The following POLR2F variants were observed in gnomAD, a reference collection of about 807,000 sequenced individuals.
POLR2F encodes the protein RNA polymerase II, I and III subunit F.
POLR2F carries 12 observed loss-of-function variants against 22.7 expected under a neutral mutation model. The ratio of observed to expected loss-of-function variants is 0.53; its 90% CI spans 0.34 to 0.86. POLR2F has a LOEUF of 0.86. Ranked by LOEUF, POLR2F falls within the 40% of genes least tolerant of loss-of-function variation. The pLI is 0.02. For synonymous variants in POLR2F, 57 were observed against 66.0 expected (o/e 0.86, Z 0.66); for missense variants, 126 against 171.5 (o/e 0.73, Z 1.48).
chr22:37,959,569 G>A, intron 3 of POLR2F, 93 bp downstream of exon 3: 1 of 1,408,950 alleles, frequency 7.1e-7, no homozygotes, highest in East Asian at 2.3e-5. Flanking sequence ...CCTGAAAACA[G>A]ACTCTCTGCT....
intron 3 of POLR2F, among the ~76,000 whole-genome samples, chr22:37,961,273 G>A (rs1446317627): frequency 6.6e-6 from 1 of 151,912 alleles, no homozygotes; most frequent in African/African-American, 2.4e-5. Context: ...GCCCAGGCTG[G>A]TCTTGAACTC....
At chr22:38,041,371 C>G, downstream of POLR2F, 1 of 464,916 alleles carries the variant, frequency 2.2e-6, no homozygotes, top group Non-Finnish European at 3.8e-6. Flanking sequence ...TGGGGAGGGA[C>G]TGTTGGGATG....
intron 5 of POLR2F, among the ~76,000 whole-genome samples, chr22:38,039,640 C>T (rs1277717324): frequency 6.6e-6 from 1 of 152,226 alleles, no homozygotes; most frequent in Admixed American, 6.5e-5. Context: ...ACCCCTTCCA[C>T]CCCTGCACCA....
Position 38,019,315 on chromosome 22 carries a change from G to A in POLR2F, c.121-6554G>A, listed in dbSNP as rs533028661. Among the ~76,000 whole-genome samples, 17 of 152,154 alleles carry A rather than the reference G, an allele frequency of 1.1e-4. No homozygotes were observed. The South Asian group carries it at 3.3e-3, about 30-fold the overall frequency. On this transcript the variant is annotated intron_variant, in intron 1 of 2. Coordinates refer to the POLR2F transcript ENST00000333418. ...GGGCTTGACATTCCCCAAGGGTCCCGGCCATCCCCACATGACTGGCATCTG... is the reference window on the plus strand; with the variant it reads ...GGGCTTGACATTCCCCAAGGGTCCCAGCCATCCCCACATGACTGGCATCTG...
At position 37,967,995 on chromosome 22, in the gene POLR2F, C is replaced by T. The variant is rs1338244833; in HGVS notation, c.*280C>T. ...CTGTTCCCCAGAGCAAAGGCTGCTG[C>T]AGGGGAGACACCTCAGCTGCCTTCC... On this transcript the variant is annotated 3_prime_UTR_variant, in exon 5 of 5. Coordinates refer to ENST00000442738, the MANE Select transcript of POLR2F (RefSeq NM_021974.5). 1 of 1,088,496 alleles carries T rather than the reference C, an allele frequency of 9.2e-7. No individual in the cohort carries two copies. Among genetic ancestry groups the T allele is most frequent in the Non-Finnish European group, 1.1e-6 (1 of 894,426 alleles). 67.4% of individuals were successfully genotyped at this position (1,088,496 alleles called of 1,614,324 possible). A position where few individuals can be genotyped will look rare whatever the true frequency, so the allele number is the denominator to read the frequency against.
intron 1 of POLR2F, among the ~76,000 whole-genome samples, chr22:38,019,081 G>T (rs907905404): frequency 2.0e-5 from 3 of 152,098 alleles, no homozygotes; most frequent in Non-Finnish European, 4.4e-5. Flanking sequence ...AGAAGGAGGT[G>T]TGGGGGCACC....
upstream of POLR2F, chr22:37,986,119 A>G: frequency 6.7e-7 from 1 of 1,487,662 alleles, no homozygotes; most frequent in Non-Finnish European, 8.9e-7. This position sits in a 1 kb window ranked among gnomAD's most constrained non-coding sequence, Gnocchi z 4.7. Context: ...CAATCATGTG[A>G]TTAACACACA....
intron 3 of POLR2F, 79 bp downstream of exon 3, chr22:37,959,555 G>A (rs752596387): frequency 2.0e-6 from 3 of 1,502,850 alleles, no homozygotes; most frequent in Non-Finnish European, 2.7e-6. Flanking sequence ...TTCCCAGCCT[G>A]GCACCTGAAA....
rs576939614 is a variant in POLR2F at position 37,996,215 on chromosome 22, T to A, written c.120+9903T>A. On this transcript the variant is annotated intron_variant, in intron 1 of 2. Transcript: ENST00000333418. ...GGGGATCTGAGCCAGCTCCACCCCT[T>A]CCCCCAGCAGGCAGGAAGGACAGGG... Among the ~76,000 whole-genome samples the A allele has an allele frequency of 2.2e-4, 34 of 152,132 alleles. No homozygotes were observed. The South Asian group carries it at 7.1e-3, about 32-fold the overall frequency.
intron 5 of POLR2F, among the ~76,000 whole-genome samples, chr22:38,036,598 G>A (rs779838359): frequency 1.2e-4 from 18 of 151,150 alleles, no homozygotes; most frequent in Non-Finnish European, 2.5e-4. Context: ...GGGCAACCGG[G>A]GAGGAGTGGC....
intron 2 of POLR2F, among the ~76,000 whole-genome samples, chr22:37,957,278 A>C (rs1391748111): frequency 2.0e-5 from 3 of 152,210 alleles, no homozygotes; most frequent in Non-Finnish European, 4.4e-5. Flanking sequence ...TCCAGGTTAC[A>C]TTTTAGAAAG....
At chr22:37,996,998 G>A (rs1214881813) in intron 1 of POLR2F, among the ~76,000 whole-genome samples, 2 of 152,116 alleles carry the variant, frequency 1.3e-5, no homozygotes, top group South Asian at 2.1e-4. Flanking sequence ...TGTCCTACTC[G>A]GGAAGGCAAG....
chr22:38,017,530 G>A lies in POLR2F; in HGVS notation c.121-8339G>A, dbSNP rs892439510. On this transcript the variant is annotated intron_variant, in intron 1 of 2. Transcript: ENST00000333418. The surrounding 1 kb of genome is among the most constrained non-coding windows in gnomAD (Gnocchi z 4.1). ...TGTCTCCCTCTTCAGGTAATGGGCT[G>A]TAGGGTCCTTCCAGATCTGGCAGTC... 2.0e-5 allele frequency among the ~76,000 whole-genome samples: 3 copies of A among 152,214 alleles called. No individual in the cohort carries two copies. The highest frequency in any genetic ancestry group is 4.8e-5 in the African/African-American group (2 of 41,446).
intron 1 of POLR2F, among the ~76,000 whole-genome samples, chr22:37,996,315 G>A (rs1374356043): frequency 1.3e-5 from 2 of 152,150 alleles, no homozygotes; most frequent in Non-Finnish European, 2.9e-5. Flanking sequence ...AAAGAGGGGG[G>A]AACAGGAAGC....
chr22:37,991,039 T>C (rs2145788525), intron 1 of POLR2F, among the ~76,000 whole-genome samples: 1 of 152,308 alleles, frequency 6.6e-6, no homozygotes, highest in East Asian at 1.9e-4. Flanking sequence ...CCCAGTACTT[T>C]GGGAGGCCAA....
At chr22:37,996,124 G>T (rs2084711543) in intron 1 of POLR2F, among the ~76,000 whole-genome samples, 1 of 152,188 alleles carries the variant, frequency 6.6e-6, no homozygotes, top group African/African-American at 2.4e-5. Context: ...GGACACCCTG[G>T]GGGACCAGGC....
At chr22:38,033,293 A>T (rs2085083704) in intron 5 of POLR2F, 1 of 152,096 alleles carries the variant, frequency 6.6e-6, no homozygotes, top group African/African-American at 2.4e-5. Flanking sequence ...GGCATGGCTT[A>T]TCTCTCCCAT....
At chr22:37,954,459 C>T (rs750057325) in intron 1 of POLR2F, among the ~76,000 whole-genome samples, 1 of 152,128 alleles carries the variant, frequency 6.6e-6, no homozygotes, top group African/African-American at 2.4e-5. Flanking sequence ...TGCACCACCA[C>T]GCCTTGCTAA....
Position 37,965,632 on chromosome 22 carries a change from G to A in POLR2F, c.222-1467G>A, listed in dbSNP as rs536818138. ...TAAATACTTATTAAGAGAGGATATA[G>A]GGAAAGTTAAATACTTCATCTCTGC... On this transcript the variant is annotated intron_variant, in intron 3 of 4. Transcript: ENST00000442738. Among the ~76,000 whole-genome samples, 5 of 152,320 alleles carry A rather than the reference G, an allele frequency of 3.3e-5. No homozygotes were observed. In the East Asian group the frequency reaches 9.6e-4, roughly 29 times the overall value.
Sources: gnomAD v4.1 joint callset for allele counts (sites outside exome capture counted in the v4.1 genomes callset) on GRCh38, gnomAD v4.1.1 for gene constraint, Gnocchi (gnomAD v3.1) non-coding constraint, MANE v1.5 for transcripts, NCBI Gene and HGNC (gene_info 2026-07-23, HGNC 2026-07-21) for gene names.